The following DNM3 variants were observed in gnomAD, a reference collection of about 807,000 sequenced individuals.
The protein encoded by DNM3 is dynamin-3.
In DNM3, 47 loss-of-function variants were observed where a neutral mutation model predicts 101.6. That is an observed-to-expected ratio of 0.46 (90% CI 0.37 to 0.59). The LOEUF is 0.59. Ranked by LOEUF, DNM3 falls within the 20% of genes least tolerant of loss-of-function variation. DNM3 has a pLI of 0.00. For synonymous variants in DNM3, 385 were observed against 387.9 expected (o/e 0.99, Z 0.09); for missense variants, 849 against 1,085.7 (o/e 0.78, Z 3.06).
intron 1 of DNM3, among the ~76,000 whole-genome samples, chr1:171,918,266 A>G: frequency 6.6e-6 from 1 of 152,194 alleles, no homozygotes; most frequent in African/African-American, 2.4e-5. Flanking sequence ...CGTTTGTTGC[A>G]TTTCTTTTGA....
rs2049848117 is a variant in DNM3 at position 172,046,789 on chromosome 1, G to A, written c.1197-1823G>A. Among the ~76,000 whole-genome samples the A allele has an allele frequency of 2.0e-5, 3 of 152,040 alleles. No homozygotes were observed. The South Asian group carries it at 6.2e-4, about 32-fold the overall frequency. ...AGAAACTGTTTTGCTTTTTAGCTGG[G>A]CAGATTTGGTATTTGGACATGTTTA... On this transcript the variant is annotated intron_variant, in intron 9 of 20. Coordinates refer to ENST00000627582, the MANE Select transcript of DNM3 (RefSeq NM_015569.5).
intron 14 of DNM3, among the ~76,000 whole-genome samples, chr1:172,156,423 G>A (rs1448376197): frequency 6.6e-6 from 1 of 152,006 alleles, no homozygotes; most frequent in East Asian, 1.9e-4. Context: ...TTATATTTTT[G>A]TAATCTTCTT....
chr1:172,295,681 A>G (rs1395363619), intron 15 of DNM3, among the ~76,000 whole-genome samples: 1 of 152,210 alleles, frequency 6.6e-6, no homozygotes, highest in South Asian at 2.1e-4. Context: ...GCATTTAAAA[A>G]CAGCAAATTG....
intron 2 of DNM3, among the ~76,000 whole-genome samples, chr1:171,946,170 T>G (rs1211358510): frequency 1.3e-5 from 2 of 152,168 alleles, no homozygotes; most frequent in Non-Finnish European, 2.9e-5. Flanking sequence ...TAGGAAGCAT[T>G]TGTTGGGGAG....
chr1:172,133,636 C>T (rs1558621507), intron 14 of DNM3, among the ~76,000 whole-genome samples: 2 of 152,094 alleles, frequency 1.3e-5, no homozygotes, highest in Admixed American at 6.6e-5. Context: ...ATAGTAAATG[C>T]TCTGAAGAAA....
chr1:171,962,282 A>G (rs550675771), intron 2 of DNM3, among the ~76,000 whole-genome samples: 1 of 152,338 alleles, frequency 6.6e-6, no homozygotes, highest in African/African-American at 2.4e-5. Flanking sequence ...AGACACATTC[A>G]AACCATATAG....
intron 14 of DNM3, among the ~76,000 whole-genome samples, chr1:172,166,658 G>T (rs1227677780): frequency 6.6e-6 from 1 of 152,020 alleles, no homozygotes; most frequent in African/African-American, 2.4e-5. Flanking sequence ...AATAAAAAGT[G>T]TTTGCAGAAT....
chr1:172,072,024 C>G (rs149871439), intron 11 of DNM3, among the ~76,000 whole-genome samples: 13 of 152,100 alleles, frequency 8.5e-5, no homozygotes, highest in African/African-American at 3.1e-4. Context: ...TTTTCCTATA[C>G]TACAGTCCAA....
intron 13 of DNM3, among the ~76,000 whole-genome samples, chr1:172,101,429 A>C (rs1489849583): frequency 1.3e-5 from 2 of 152,226 alleles, no homozygotes; most frequent in South Asian, 2.1e-4. Flanking sequence ...TCACTGTGTC[A>C]CTATGAGCAA....
chr1:171,944,692 T>C (rs1386738865), intron 2 of DNM3, among the ~76,000 whole-genome samples: 1 of 151,926 alleles, frequency 6.6e-6, no homozygotes, highest in African/African-American at 2.4e-5. Context: ...TTACTTAAAA[T>C]ACAATTAAAT....
intron 2 of DNM3, among the ~76,000 whole-genome samples, chr1:171,962,109 A>C (rs2043253750): frequency 6.6e-6 from 1 of 152,194 alleles, no homozygotes; most frequent in Non-Finnish European, 1.5e-5. Flanking sequence ...TGAAACCATT[A>C]GTTTCATCCT....
At chr1:172,119,310 A>C (rs2148001998) in intron 13 of DNM3, among the ~76,000 whole-genome samples, 1 of 152,132 alleles carries the variant, frequency 6.6e-6, no homozygotes, top group East Asian at 1.9e-4. Context: ...AATATTTTTA[A>C]TATTCTCTCT....
At chr1:172,095,465 A>C (rs1287502362) in intron 13 of DNM3, among the ~76,000 whole-genome samples, 2 of 152,228 alleles carry the variant, frequency 1.3e-5, no homozygotes, top group Non-Finnish European at 2.9e-5. Flanking sequence ...AAGGATCTTC[A>C]GTAGTTCTTC....
At chr1:172,177,878 A>G (rs993577366) in intron 14 of DNM3, among the ~76,000 whole-genome samples, 3 of 151,724 alleles carry the variant, frequency 2.0e-5, no homozygotes, top group Non-Finnish European at 4.4e-5. Context: ...ACTATATTTT[A>G]TAGGGTTTTT....
chr1:172,045,767 G>A (rs1208921218), intron 9 of DNM3, among the ~76,000 whole-genome samples: 14 of 152,160 alleles, frequency 9.2e-5, no homozygotes, highest in Non-Finnish European at 1.6e-4. Flanking sequence ...TGCCTCATAC[G>A]AAGGAGGTGG....
chr1:172,196,678 A>G (rs1445054574), intron 14 of DNM3, among the ~76,000 whole-genome samples: 3 of 151,680 alleles, frequency 2.0e-5, no homozygotes, highest in Non-Finnish European at 4.4e-5. Flanking sequence ...CTTTTTTTAT[A>G]TGTTTATTGA....
chr1:172,389,554 A>G (rs915852375), intron 20 of DNM3, among the ~76,000 whole-genome samples: 5 of 152,228 alleles, frequency 3.3e-5, no homozygotes, highest in African/African-American at 9.6e-5. Context: ...TACACAATGA[A>G]TAGAATCAGA....
chr1:172,187,829 A>C (rs1172423337), intron 14 of DNM3, among the ~76,000 whole-genome samples: 14 of 152,098 alleles, frequency 9.2e-5, no homozygotes, highest in Non-Finnish European at 4.4e-5. Flanking sequence ...TGTTTCTCTG[A>C]ATATCCTGTT....
intron 14 of DNM3, among the ~76,000 whole-genome samples, chr1:172,248,468 G>T (rs1192178862): frequency 6.6e-6 from 1 of 151,978 alleles, no homozygotes; most frequent in Non-Finnish European, 1.5e-5. Flanking sequence ...GCTTGAAGAG[G>T]CAAGCTAAAC....
Sources: gnomAD v4.1 joint callset for allele counts (sites outside exome capture counted in the v4.1 genomes callset) on GRCh38, gnomAD v4.1.1 for gene constraint, MANE v1.5 for transcripts, NCBI Gene and HGNC (gene_info 2026-07-23, HGNC 2026-07-21) for gene names.